The following ATR variants were observed in gnomAD, a reference collection of about 807,000 sequenced individuals.
The protein encoded by ATR is ATR checkpoint kinase, also known as serine/threonine-protein kinase ATR.
A neutral mutation model predicts 305.3 loss-of-function variants in ATR; 142 were observed. That is an observed-to-expected ratio of 0.47 (90% CI 0.41 to 0.53). The LOEUF is 0.53. ATR is among the 20% of genes least tolerant of loss of function. The probability of loss-of-function intolerance (pLI) is 0.00; values close to 1 mark genes in which losing one functional copy is unlikely to be tolerated. For synonymous variants in ATR, 1,050 were observed against 1,068.1 expected, an observed-to-expected ratio of 0.98 and a Z score of 0.33; for missense variants, 2,135 against 3,133.1, an observed-to-expected ratio of 0.68 and a Z score of 7.60.
intron 35 of ATR, among the ~76,000 whole-genome samples, chr3:142,486,554 C>G (rs1045655805): frequency 6.6e-6 from 1 of 151,952 alleles, no homozygotes; most frequent in Non-Finnish European, 1.5e-5. Flanking sequence ...CTGAAAAATA[C>G]ACTAATATTA....
chr3:142,470,379 A>G (rs1354447316), intron 36 of ATR, among the ~76,000 whole-genome samples, 196 bp from the exon 37 acceptor site: 1 of 152,124 alleles, frequency 6.6e-6, no homozygotes, highest in Non-Finnish European at 1.5e-5. Context: ...TACCAAAAAC[A>G]TGTACATACT....
intron 27 of ATR, among the ~76,000 whole-genome samples, chr3:142,511,756 G>A (rs186473386): frequency 6.6e-6 from 1 of 151,974 alleles, no homozygotes; most frequent in African/African-American, 2.4e-5. Context: ...AGAGAGAAAG[G>A]TCTTATTACT....
rs2108482969 is a variant in ATR, at chr3:142,560,362, C to G, written c.1442G>C (p.Gly481Ala). The G allele has an allele frequency of 6.2e-7, 1 of 1,613,668 alleles. No homozygotes were observed. Among genetic ancestry groups the G allele is most frequent in the Non-Finnish European group, 8.5e-7 (1 of 1,179,740 alleles). ...CATCTCAATAACAGGATTCTTTAGGCCACTGTATTCAAGGGAAATCTGAAG... is the reference window on the plus strand; with the variant it reads ...CATCTCAATAACAGGATTCTTTAGGGCACTGTATTCAAGGGAAATCTGAAG... ...ESLQISLEYS[G>A]LKNPVIEMLE... Residue 481 changes from glycine to alanine, a missense_variant, in exon 6 of 47, where the codon GGC (glycine) becomes GCC (alanine). By Grantham distance (60) the Gly-to-Ala change is moderately conservative. This residue lies in a region of ATR where 744 missense variants were observed against 873.2 expected (regional missense o/e 0.85). Coordinates refer to ENST00000350721, the MANE Select transcript of ATR (RefSeq NM_001184.4).
chr3:142,466,278 T>C, intron 40 of ATR, 46 bp downstream of exon 40: 2 of 1,559,402 alleles, frequency 1.3e-6, no homozygotes, highest in Non-Finnish European at 1.8e-6. Context: ...TTGAAGTTTT[T>C]AACAACTAAA....
chr3:142,521,759 A>G (rs77016361), intron 23 of ATR, among the ~76,000 whole-genome samples: 2,723 of 152,312 alleles, frequency 0.018, 29 homozygotes, highest in South Asian at 0.041. Flanking sequence ...TTCTCATGAT[A>G]AAACCTGAAT....
chr3:142,480,170 T>C (rs1472286045), intron 36 of ATR, among the ~76,000 whole-genome samples: 2 of 152,238 alleles, frequency 1.3e-5, no homozygotes, highest in Admixed American at 6.5e-5. Flanking sequence ...CCTCTGATTT[T>C]TAGAATTTTC....
intron 23 of ATR, among the ~76,000 whole-genome samples, chr3:142,520,796 C>T (rs565334292): frequency 2.0e-5 from 3 of 152,164 alleles, no homozygotes; most frequent in Admixed American, 6.5e-5. Context: ...GTCTCTATAA[C>T]ATAAAAGTGT....
intron 35 of ATR, among the ~76,000 whole-genome samples, chr3:142,491,182 T>C (rs182105469): frequency 6.6e-6 from 1 of 152,284 alleles, no homozygotes; most frequent in African/African-American, 2.4e-5. Flanking sequence ...ATCTACCTTC[T>C]GTCTCTATGG....
At chr3:142,530,291 T>C (rs1433028066) in intron 21 of ATR, among the ~76,000 whole-genome samples, 2 of 152,174 alleles carry the variant, frequency 1.3e-5, no homozygotes, top group African/African-American at 2.4e-5. Context: ...TTTCTCTTGT[T>C]TTTTAAATTT....
At chr3:142,561,873 A>G (rs1309586074) in intron 4 of ATR, among the ~76,000 whole-genome samples, 2 of 152,232 alleles carry the variant, frequency 1.3e-5, no homozygotes, top group Admixed American at 6.5e-5. Flanking sequence ...AGGTTTTCTA[A>G]AAGTGATTGA....
At chr3:142,510,807 A>G (rs1475330196) in intron 27 of ATR, among the ~76,000 whole-genome samples, 3 of 143,452 alleles carry the variant, frequency 2.1e-5, no homozygotes, top group African/African-American at 5.3e-5. Context: ...CCAAGAATGG[A>G]AAAAAAAAAA....
chr3:142,485,271 C>T lies in ATR; in HGVS notation c.6090G>A (p.Ala2030=), dbSNP rs201988169. ...GCCCATCCTCCCATTCTGGCAGGCA[C>T]GCGGTCACATCCTATAAAAAAGAAC... The part of the protein sequence containing the change: ...AIMKKYKDVT[A]CLPEWEDGHF... The change falls in exon 36 of 47, where the codon GCG becomes GCA. Residue 2030 remains alanine, a synonymous_variant. Coordinates refer to ENST00000350721, the MANE Select transcript of ATR (RefSeq NM_001184.4). 2.3e-4 allele frequency: 375 copies of T among 1,614,124 alleles called. No homozygotes were observed. Among genetic ancestry groups the T allele is most frequent in the Admixed American group, 3.2e-4 (19 of 60,006 alleles).
chr3:142,542,800 GA>G (rs1391263887), intron 16 of ATR, 43 bp from the exon 17 acceptor site: 1 of 1,431,886 alleles, frequency 7.0e-7, no homozygotes, highest in Admixed American at 1.8e-5. Context: ...TATACAGATT[GA>G]ATTTCTTAAG....
chr3:142,473,459 ATTTTAATAC>A (rs1165477514), intron 36 of ATR, among the ~76,000 whole-genome samples: 6 of 151,926 alleles, frequency 3.9e-5, no homozygotes, highest in Admixed American at 1.3e-4. Context: ...CTATGTAGCC[ATTTTAATAC>A]TAATGTCATA....
rs980063804 is a variant in ATR at position 142,462,226 on chromosome 3, T to C, written c.7042-136A>G. ...AGGCTTACTATGTGGTATACATGAATAATTCTTCTGAATGGTAGGAAGGAA... is the reference window on the plus strand; with the variant it reads ...AGGCTTACTATGTGGTATACATGAACAATTCTTCTGAATGGTAGGAAGGAA... On this transcript the variant is annotated intron_variant, in intron 41 of 46. Coordinates refer to ENST00000350721, the MANE Select transcript of ATR (RefSeq NM_001184.4). The C allele has an allele frequency of 2.9e-5, 24 of 834,044 alleles. 1 individual carries two copies. Among genetic ancestry groups the C allele is most frequent in the Non-Finnish European group, 4.2e-5 (23 of 541,254 alleles). 51.7% of individuals were successfully genotyped at this position (834,044 alleles called of 1,614,324 possible).
intron 8 of ATR, 74 bp downstream of exon 8, chr3:142,558,550 A>G (rs2034759594): frequency 1.8e-6 from 2 of 1,099,114 alleles, no homozygotes; most frequent in South Asian, 5.2e-5. Context: ...AAATAAATAA[A>G]TAAATAAATA....
At chr3:142,533,090 G>A (rs915426268) in intron 21 of ATR, among the ~76,000 whole-genome samples, 3 of 151,984 alleles carry the variant, frequency 2.0e-5, no homozygotes, top group Admixed American at 1.3e-4. Context: ...CATGAGGCCA[G>A]GAGTTCAAGA....
intron 39 of ATR, among the ~76,000 whole-genome samples, chr3:142,467,337 A>G (rs961326981): frequency 6.6e-6 from 1 of 152,066 alleles, no homozygotes; most frequent in African/African-American, 2.4e-5. Context: ...TTTAGTCACA[A>G]ATCTACCGAA....
At chr3:142,453,679 C>T (rs1385805580) in intron 45 of ATR, among the ~76,000 whole-genome samples, 1 of 152,154 alleles carries the variant, frequency 6.6e-6, no homozygotes, top group East Asian at 1.9e-4. Context: ...GTTCCAAACA[C>T]CTCAAACTCA....
Sources: allele counts gnomAD v4.1 joint callset (sites outside exome capture counted in the v4.1 genomes callset), GRCh38; gene constraint gnomAD v4.1.1; regional missense constraint gnomAD v4.1.1; transcripts MANE v1.5; gene names NCBI Gene and HGNC (gene_info 2026-07-23, HGNC 2026-07-21).